SBF2: variants seen among roughly 807,000 people sequenced by gnomAD.
SBF2 encodes the protein myotubularin-related protein 13.
In SBF2, 112 loss-of-function variants were observed where a neutral mutation model predicts 225.2. The observed-to-expected ratio is 0.50, with a 90% confidence interval of 0.43 to 0.58. The LOEUF is 0.58. SBF2 is among the 20% of genes least tolerant of loss of function. SBF2 has a pLI of 0.00. For synonymous variants in SBF2, 763 were observed against 773.3 expected, an observed-to-expected ratio of 0.99 and a Z score of 0.22; for missense variants, 1,996 against 2,206.2, an observed-to-expected ratio of 0.90 and a Z score of 1.91.
chr11:9,860,294 G>T, intron 17 of SBF2, among the ~76,000 whole-genome samples: 1 of 143,734 alleles, frequency 7.0e-6, no homozygotes, highest in African/African-American at 2.6e-5. Context: ...ACAAGGTCTG[G>T]CTTTGTTACC....
At chr11:10,061,056 A>G (rs186376114) in intron 2 of SBF2, among the ~76,000 whole-genome samples, 19 of 152,216 alleles carry the variant, frequency 1.2e-4, no homozygotes, top group Admixed American at 1.2e-3. Context: ...AAACAAATAA[A>G]TCTGTAAATG....
intron 2 of SBF2, among the ~76,000 whole-genome samples, chr11:10,098,535 C>G (rs997832275): frequency 6.7e-6 from 1 of 149,346 alleles, no homozygotes; most frequent in African/African-American, 2.5e-5. Context: ...TTTCTAGTAA[C>G]TAACACCAAA....
chr11:10,226,222 C>T lies in SBF2; in HGVS notation c.56-32235G>A, dbSNP rs368390482. Among the ~76,000 whole-genome samples the T allele has an allele frequency of 5.9e-5, 9 of 152,060 alleles. No individual in the cohort carries two copies. The East Asian group carries it at 1.5e-3, about 26-fold the overall frequency. ...TATCTTTATTAGCATAGAAAGATGT[C>T]CCAAAAAACCAAGAAAATAAACGAG... is the stretch of plus-strand genomic sequence containing the variant. On this transcript the variant is annotated intron_variant, in intron 1 of 39. Transcript: ENST00000256190.
intron 13 of SBF2, among the ~76,000 whole-genome samples, chr11:9,969,833 G>A (rs1210757660): frequency 1.3e-5 from 2 of 152,104 alleles, no homozygotes; most frequent in Non-Finnish European, 2.9e-5. Flanking sequence ...GAGAGTAGAC[G>A]TATACCTACT....
chr11:9,885,284 C>T (rs991891304), intron 17 of SBF2, among the ~76,000 whole-genome samples: 28 of 148,514 alleles, frequency 1.9e-4, no homozygotes, highest in African/African-American at 6.1e-4. Flanking sequence ...AAACCCCACC[C>T]CCCCAAAAAA....
chr11:9,992,498 T>C lies in SBF2; in HGVS notation c.1213A>G (p.Thr405Ala). The C allele has an allele frequency of 6.2e-7, 1 of 1,613,270 alleles. No homozygotes were observed. Among genetic ancestry groups the C allele is most frequent in the Non-Finnish European group, 8.5e-7 (1 of 1,179,478 alleles). Residue 405 changes from threonine to alanine, a missense_variant, in exon 12 of 40, where the codon ACT (threonine) becomes GCT (alanine). Physicochemically the swap from Thr to Ala is moderately conservative, Grantham distance 58 (BLOSUM62 0). Transcript: ENST00000256190. Reference sequence around the variant, plus strand: ...AATGCCATTCCACTGAGTACTTTAGTGAGGAAATCATTCTCGACCAAACCA... The same window carrying C: ...AATGCCATTCCACTGAGTACTTTAGCGAGGAAATCATTCTCGACCAAACCA... ...QRGLVENDFL[T>A]KVLSGMAFAG...
chr11:10,107,924 C>T (rs1012950307), intron 2 of SBF2, among the ~76,000 whole-genome samples: 2 of 152,070 alleles, frequency 1.3e-5, no homozygotes, highest in African/African-American at 4.8e-5. Context: ...TGACAGAAAG[C>T]AAATCAGTGG....
At chr11:9,904,350 G>C (rs943288355) in intron 16 of SBF2, among the ~76,000 whole-genome samples, 3 of 151,790 alleles carry the variant, frequency 2.0e-5, no homozygotes, top group Admixed American at 6.6e-5. Flanking sequence ...GCATTACTAG[G>C]GATAAAATGA....
chr11:10,026,282 T>G (rs1029161210), intron 6 of SBF2, among the ~76,000 whole-genome samples: 1 of 152,192 alleles, frequency 6.6e-6, no homozygotes, highest in African/African-American at 2.4e-5. Context: ...CTTCTATACC[T>G]TTTCATAGTA....
chr11:9,992,616 T>C lies in SBF2; in HGVS notation c.1168-73A>G, dbSNP rs1361447587. 1.3e-4 allele frequency: 189 copies of C among 1,429,528 alleles called. 1 individual carries two copies. The Admixed American group carries it at 3.6e-3, about 27-fold the overall frequency. The allele number at this position is 1,429,528 out of a possible 1,614,324, so 88.6% of individuals were successfully genotyped here. On this transcript the variant is annotated intron_variant, in intron 11 of 39. Transcript: ENST00000256190. ...ACAAATGGTCAAAACAGAAATACAA[T>C]AAAAAGATCAAAGCCTATATAAATC... is the stretch of plus-strand genomic sequence containing the variant.
At chr11:9,802,898 T>A (rs1357230358) in intron 32 of SBF2, among the ~76,000 whole-genome samples, 2 of 152,246 alleles carry the variant, frequency 1.3e-5, no homozygotes, top group Non-Finnish European at 2.9e-5. Flanking sequence ...TAGCCAAGCA[T>A]GCTTTACTTA....
At chr11:9,798,252 CCTTT>C (rs1407510197) in intron 32 of SBF2, among the ~76,000 whole-genome samples, 1 of 152,148 alleles carries the variant, frequency 6.6e-6, no homozygotes, top group Non-Finnish European at 1.5e-5. Context: ...CTTCCTGGCT[CCTTT>C]CTTAAGCATT....
chr11:10,185,746 C>T (rs577424004), intron 2 of SBF2, among the ~76,000 whole-genome samples: 4 of 150,784 alleles, frequency 2.7e-5, no homozygotes, highest in South Asian at 4.2e-4. Context: ...CTCCTTATCT[C>T]GTACTTTTTA....
chr11:10,199,643 G>A (rs1025262082), intron 1 of SBF2, among the ~76,000 whole-genome samples: 7 of 152,180 alleles, frequency 4.6e-5, no homozygotes, highest in Non-Finnish European at 8.8e-5. Flanking sequence ...GAAGCAAAAA[G>A]TAAAGCCAGG....
At chr11:10,188,797 A>G (rs886292509) in intron 2 of SBF2, among the ~76,000 whole-genome samples, 1 of 152,232 alleles carries the variant, frequency 6.6e-6, no homozygotes, top group African/African-American at 2.4e-5. Context: ...GGGAGTGGGT[A>G]CCAAAAATAT....
chr11:9,797,972 C>CTGAATGAA (rs567677083), intron 32 of SBF2, among the ~76,000 whole-genome samples: 31 of 151,760 alleles, frequency 2.0e-4, no homozygotes, highest in African/African-American at 6.8e-4. Context: ...GACCCTGTCT[C>CTGAATGAA]TGAATGAATG....
chr11:10,049,980 G>A (rs1056286818), intron 2 of SBF2, among the ~76,000 whole-genome samples: 1 of 152,112 alleles, frequency 6.6e-6, no homozygotes, highest in Non-Finnish European at 1.5e-5. Flanking sequence ...ATAATGTAAC[G>A]ATACAGCCTG....
intron 2 of SBF2, among the ~76,000 whole-genome samples, chr11:10,136,381 T>A (rs1407526492): frequency 6.6e-6 from 1 of 152,148 alleles, no homozygotes; most frequent in Non-Finnish European, 1.5e-5. Context: ...GATGGGGAGC[T>A]GATCACCAGA....
intron 1 of SBF2, among the ~76,000 whole-genome samples, chr11:10,290,029 C>T (rs1393777115): frequency 2.6e-5 from 4 of 152,192 alleles, no homozygotes; most frequent in Admixed American, 2.0e-4. Flanking sequence ...CGCACCTCTT[C>T]GCTGCCATCA....
Sources: allele counts gnomAD v4.1 joint callset (sites outside exome capture counted in the v4.1 genomes callset), GRCh38; gene constraint gnomAD v4.1.1; transcripts MANE v1.5; gene names NCBI Gene and HGNC (gene_info 2026-07-23, HGNC 2026-07-21).